The following SH3TC2 variants were observed in gnomAD, a reference collection of about 807,000 sequenced individuals.
SH3TC2 encodes the protein SH3 domain and tetratricopeptide repeats 2, also known as SH3 domain and tetratricopeptide repeat-containing protein 2.
Under a neutral mutation model 124.5 loss-of-function variants are expected in SH3TC2, and 87 were observed. The ratio of observed to expected loss-of-function variants is 0.70; its 90% CI spans 0.59 to 0.84. SH3TC2 has a LOEUF of 0.84. Ranked by LOEUF, SH3TC2 falls within the 40% of genes least tolerant of loss-of-function variation. The pLI is 0.00. For synonymous variants in SH3TC2, 634 were observed against 628.5 expected, an observed-to-expected ratio of 1.01 and a Z score of -0.13; for missense variants, 1,536 against 1,566.4, an observed-to-expected ratio of 0.98 and a Z score of 0.33.
chr5:148,991,161 C>T lies in SH3TC2; in HGVS notation c.*13550G>A, dbSNP rs1287873031. Reference sequence around the variant, plus strand: ...ATTCACAGCAAAAGACCAATAACTACACATGGGGTAGAAATTAACATATGT... The same window carrying T: ...ATTCACAGCAAAAGACCAATAACTATACATGGGGTAGAAATTAACATATGT... On this transcript the variant is annotated 3_prime_UTR_variant, in exon 17 of 17. Coordinates refer to ENST00000515425, the MANE Select transcript of SH3TC2 (RefSeq NM_024577.4). Among the ~76,000 whole-genome samples the T allele has an allele frequency of 1.3e-5, 2 of 152,222 alleles. No homozygotes were observed. The highest frequency in any genetic ancestry group is 2.4e-5 in the African/African-American group (1 of 41,450).
chr5:149,050,220 A>G (rs1209952343), intron 2 of SH3TC2, among the ~76,000 whole-genome samples: 1 of 152,226 alleles, frequency 6.6e-6, no homozygotes, highest in Non-Finnish European at 1.5e-5. Context: ...GTGGGATCCT[A>G]CAGTACCCTC....
intron 2 of SH3TC2, among the ~76,000 whole-genome samples, chr5:149,049,148 T>C (rs1384365887): frequency 2.0e-5 from 3 of 152,232 alleles, no homozygotes; most frequent in African/African-American, 7.2e-5. Flanking sequence ...GACATTCCCA[T>C]ATAACCTGAC....
rs1453743523 is a variant in SH3TC2, at chr5:149,044,636, G to A, written c.282C>T (p.Asp94=). ...EDQEVRMLFK[D]LSARLVSIQS... ...GGATACTGACCAACCTTGCTGAGAGGTCCTACGTAAAGGAAACAATGAGTC... is the reference window on the plus strand; with the variant it reads ...GGATACTGACCAACCTTGCTGAGAGATCCTACGTAAAGGAAACAATGAGTC... The change falls in exon 4 of 17, where the codon GAC becomes GAT. Residue 94 remains aspartate, a splice_region_variant and synonymous_variant. Coordinates refer to ENST00000515425, the MANE Select transcript of SH3TC2 (RefSeq NM_024577.4). 6.2e-7 allele frequency: 1 copy of A among 1,613,390 alleles called. No individual in the cohort carries two copies. The highest frequency in any genetic ancestry group is 8.5e-7 in the Non-Finnish European group (1 of 1,179,388).
Position 148,991,242 on chromosome 5 carries a change from G to A in SH3TC2, c.*13469C>T, listed in dbSNP as rs2127388172. Among the ~76,000 whole-genome samples, 2 of 152,320 alleles carry A rather than the reference G, an allele frequency of 1.3e-5. No homozygotes were observed. Among genetic ancestry groups the A allele is most frequent in the Middle Eastern group, 3.4e-3 (1 of 294 alleles). ...TTTACCCATATACCACATTGGATGT[G>A]AGAGTGAATATACTGCAAGAATGTA... On this transcript the variant is annotated 3_prime_UTR_variant, in exon 17 of 17. Transcript: ENST00000515425.
rs1051328726 is a variant in SH3TC2, at chr5:148,999,941, C to CCA, written c.*4768_*4769dup. On this transcript the variant is annotated 3_prime_UTR_variant, in exon 17 of 17. Transcript: ENST00000515425. ...GTTCTCAGAAAACATCACCCCCTGT[C>CCA]CACCCTCTGGACCTTTGCTTGACAC... Among the ~76,000 whole-genome samples, 2 of 152,186 alleles carry CCA rather than the reference C, an allele frequency of 1.3e-5. No homozygotes were observed. Among genetic ancestry groups the CCA allele is most frequent in the Admixed American group, 6.5e-5 (1 of 15,278 alleles).
In SH3TC2 at chr5:149,042,757, T is replaced by A; in HGVS notation, c.466A>T (p.Ile156Phe). 1 of 1,614,158 alleles carries A rather than the reference T, an allele frequency of 6.2e-7. No individual in the cohort carries two copies. Among genetic ancestry groups the A allele is most frequent in the Non-Finnish European group, 8.5e-7 (1 of 1,180,036 alleles). Residue 156 changes from isoleucine (I) to phenylalanine (F), a missense_variant, in exon 5 of 17, where the codon ATC becomes TTC. Around this residue, in one of 3 missense-constraint regions of SH3TC2, gnomAD observed 1,102 missense variants for 1,098.6 expected, o/e 1.00. Transcript: ENST00000515425. ...LNCILVEDTE[I>F]QVSVDDKHLE... is the part of the protein sequence containing the mutation. ...TGTTTATCATCTACAGACACTTGGA[T>A]CTCTGTATCCTCCACCAATATGCAG... is the stretch of plus-strand genomic sequence containing the variant.
At chr5:149,036,607 C>T (rs183563160) in intron 8 of SH3TC2, among the ~76,000 whole-genome samples, 4 of 152,182 alleles carry the variant, frequency 2.6e-5, no homozygotes, top group African/African-American at 9.6e-5. Flanking sequence ...GATTTAATGT[C>T]AGGATTCTAA....
intron 3 of SH3TC2, chr5:149,045,118 A>G (rs1194550989): frequency 6.3e-6 from 1 of 158,102 alleles, no homozygotes. Context: ...ACACACAAAA[A>G]TAATCATCCC....
At chr5:149,051,765 T>C (rs1754561631) in intron 2 of SH3TC2, among the ~76,000 whole-genome samples, 1 of 152,204 alleles carries the variant, frequency 6.6e-6, no homozygotes, top group Non-Finnish European at 1.5e-5. Context: ...ATGTATTTAT[T>C]CATCAAAGAT....
At chr5:149,061,800 C>A (rs1438485867) in intron 1 of SH3TC2, among the ~76,000 whole-genome samples, 1 of 152,068 alleles carries the variant, frequency 6.6e-6, no homozygotes, top group Non-Finnish European at 1.5e-5. Context: ...GGCACAATGA[C>A]AATAGGACTT....
chr5:149,038,161 G>A, intron 8 of SH3TC2, 134 bp downstream of exon 8: 1 of 736,600 alleles, frequency 1.4e-6, no homozygotes. Context: ...TATCAACCTT[G>A]GTGTCAGCAT....
At chr5:149,051,879 T>C (rs1304202461) in intron 2 of SH3TC2, among the ~76,000 whole-genome samples, 1 of 152,254 alleles carries the variant, frequency 6.6e-6, no homozygotes, top group African/African-American at 2.4e-5. Context: ...TAATTTATGA[T>C]ATACTTTCTT....
intron 3 of SH3TC2, chr5:149,045,486 A>G (rs1463099938): frequency 3.3e-5 from 5 of 152,168 alleles, no homozygotes; most frequent in African/African-American, 1.2e-4. Context: ...GTTTTAACAC[A>G]TGTATTTCTA....
intron 12 of SH3TC2, among the ~76,000 whole-genome samples, chr5:149,024,606 G>C (rs1353228673): frequency 6.6e-6 from 1 of 152,214 alleles, no homozygotes; most frequent in African/African-American, 2.4e-5. Context: ...AAGAGACCAA[G>C]AGGAAAAGTG....
intron 3 of SH3TC2, chr5:149,045,631 GT>G (rs78829866): frequency 0.01 from 1,578 of 153,186 alleles, 46 homozygotes; most frequent in African/African-American, 0.037. Context: ...CCTCTTGGGG[GT>G]TTTTTTGTTT....
At chr5:149,017,994 T>G (rs1753903654) in intron 12 of SH3TC2, among the ~76,000 whole-genome samples, 1 of 152,228 alleles carries the variant, frequency 6.6e-6, no homozygotes, top group Non-Finnish European at 1.5e-5. Context: ...GTGGCAGAGA[T>G]CATATGGCCC....
chr5:149,028,610 T>C (rs753231635), intron 10 of SH3TC2, 56 bp from the exon 11 acceptor site: 1 of 1,614,174 alleles, frequency 6.2e-7, no homozygotes, highest in Non-Finnish European at 8.5e-7. Context: ...AGGTGGCCGC[T>C]CTTGGCAAGA....
In SH3TC2 at chr5:148,990,824, G is replaced by C. The variant is rs1221768596; in HGVS notation, c.*13887C>G. 6.6e-6 allele frequency among the ~76,000 whole-genome samples: 1 copy of C among 152,140 alleles called. No individual in the cohort carries two copies. Among genetic ancestry groups the C allele is most frequent in the African/African-American group, 2.4e-5 (1 of 41,428 alleles). On this transcript the variant is annotated 3_prime_UTR_variant, in exon 17 of 17. Transcript: ENST00000515425. ...TATATTAAATATTTGCAATAAGCAA[G>C]GCCCTGAGTTAAGTATTCTAAGTAC... is the stretch of plus-strand genomic sequence containing the variant.
At chr5:149,031,284 G>T (rs1326359473) in intron 9 of SH3TC2, among the ~76,000 whole-genome samples, 1 of 152,136 alleles carries the variant, frequency 6.6e-6, no homozygotes, top group Non-Finnish European at 1.5e-5. Flanking sequence ...CCAAGATTAG[G>T]AGGGAAGACC....
Sources: gnomAD v4.1 joint callset for allele counts (sites outside exome capture counted in the v4.1 genomes callset) on GRCh38, gnomAD v4.1.1 for gene constraint, gnomAD v4.1.1 regional missense constraint, MANE v1.5 for transcripts, NCBI Gene and HGNC (gene_info 2026-07-23, HGNC 2026-07-21) for gene names.